The following F13A1 variants were observed in gnomAD, a reference collection of about 807,000 sequenced individuals.
F13A1 encodes the protein coagulation factor XIII A chain.
A neutral mutation model predicts 80.1 loss-of-function variants in F13A1; 47 were observed. The observed-to-expected ratio is 0.59, with a 90% CI of 0.46 to 0.75. The LOEUF is 0.75. Among genes scored for constraint, F13A1 ranks in the 30% least tolerant of loss-of-function variants. The pLI, the probability that F13A1 is intolerant of heterozygous loss-of-function variation, is 0.00. For synonymous variants in F13A1, 349 were observed against 344.9 expected (o/e 1.01, Z -0.13); for missense variants, 817 against 930.4 (o/e 0.88, Z 1.59).
At chr6:6,175,336 T>C (rs1284699906) in intron 11 of F13A1, among the ~76,000 whole-genome samples, 1 of 152,206 alleles carries the variant, frequency 6.6e-6, no homozygotes, top group Non-Finnish European at 1.5e-5. Flanking sequence ...ATAAGACCTG[T>C]CTTCCTCATC....
chr6:6,227,594 G>A (rs1489146605), intron 6 of F13A1, among the ~76,000 whole-genome samples: 2 of 152,176 alleles, frequency 1.3e-5, no homozygotes, highest in African/African-American at 4.8e-5. Flanking sequence ...AGGCTATGAT[G>A]TGGTTTGGTC....
chr6:6,283,626 C>T (rs564639621), intron 3 of F13A1, among the ~76,000 whole-genome samples: 1 of 152,000 alleles, frequency 6.6e-6, no homozygotes, highest in Non-Finnish European at 1.5e-5. Flanking sequence ...AACAACAATA[C>T]ATGTACCCAA....
chr6:6,147,168 G>A (rs1003730846), intron 14 of F13A1, among the ~76,000 whole-genome samples: 2 of 152,170 alleles, frequency 1.3e-5, no homozygotes, highest in African/African-American at 4.8e-5. Flanking sequence ...GGGGAAAGGT[G>A]GGAGGGATAA....
At position 6,219,231 on chromosome 6, in the gene F13A1, G is replaced by A. The variant is rs371102817; in HGVS notation, c.1112+2802C>T. Reference sequence around the variant, plus strand: ...TGCTAGGAAATCCATCAGGCCATGTGTCGCCAGTCTACACCGCACTGACCT... The same window carrying A: ...TGCTAGGAAATCCATCAGGCCATGTATCGCCAGTCTACACCGCACTGACCT... On this transcript the variant is annotated intron_variant, in intron 8 of 14. Coordinates refer to ENST00000264870, the MANE Select transcript of F13A1 (RefSeq NM_000129.4). Among the ~76,000 whole-genome samples the A allele has an allele frequency of 1.3e-4, 19 of 151,974 alleles. No individual in the cohort carries two copies. The East Asian group carries it at 1.6e-3, about 12-fold the overall frequency.
intron 6 of F13A1, among the ~76,000 whole-genome samples, chr6:6,228,540 C>A (rs1757308281): frequency 6.6e-6 from 1 of 151,986 alleles, no homozygotes; most frequent in South Asian, 2.1e-4. Flanking sequence ...TCAAGACCAG[C>A]CTGGCCAACA....
intron 13 of F13A1, among the ~76,000 whole-genome samples, chr6:6,165,909 G>T (rs371334278): frequency 1.9e-4 from 29 of 152,356 alleles, no homozygotes; most frequent in African/African-American, 5.8e-4. Flanking sequence ...TGACAGAGGC[G>T]AAGGAAACAA....
In F13A1 at chr6:6,182,114, C is replaced by A; in HGVS notation, c.1333G>T (p.Ala445Ser). 6.2e-7 allele frequency: 1 copy of A among 1,614,168 alleles called. No homozygotes were observed. The change falls in exon 11 of 15, where the codon GCT (alanine) becomes TCT (serine). Residue 445 changes from alanine (A) to serine (S), a missense_variant. Transcript: ENST00000264870. ...EVNSDLIYIT[A>S]KKDGTHVVEN... ...ACCACATGAGTGCCATCTTTCTTAG[C>A]TGTAATGTAAATGAGGTCGCTGTTG...
chr6:6,202,640 C>T (rs778264461), intron 8 of F13A1, among the ~76,000 whole-genome samples: 1 of 152,188 alleles, frequency 6.6e-6, no homozygotes, highest in Non-Finnish European at 1.5e-5. Context: ...CTTGTTGCCT[C>T]TTTCTATAGA....
Position 6,173,797 on chromosome 6 carries a change from G to A in F13A1, c.1747+783C>T, listed in dbSNP as rs558629961. 6.6e-5 allele frequency among the ~76,000 whole-genome samples: 10 copies of A among 152,216 alleles called. No homozygotes were observed. The East Asian group carries it at 1.4e-3, about 21-fold the overall frequency. ...CCCAAAAGACTTTCCTAACTTGGGCGAGAGGCACCAGCAGAGGGCCTGTTT... is the reference window on the plus strand; with the variant it reads ...CCCAAAAGACTTTCCTAACTTGGGCAAGAGGCACCAGCAGAGGGCCTGTTT... On this transcript the variant is annotated intron_variant, in intron 12 of 14. Coordinates refer to ENST00000264870, the MANE Select transcript of F13A1 (RefSeq NM_000129.4).
At chr6:6,309,513 T>C (rs1758561379) in intron 2 of F13A1, among the ~76,000 whole-genome samples, 1 of 152,094 alleles carries the variant, frequency 6.6e-6, no homozygotes, top group South Asian at 2.1e-4. Context: ...GCATAGTTGC[T>C]TAAGAAATTG....
intron 8 of F13A1, among the ~76,000 whole-genome samples, chr6:6,198,254 A>G (rs781116498): frequency 5.0e-4 from 76 of 151,776 alleles, no homozygotes; most frequent in Non-Finnish European, 1.0e-4. Flanking sequence ...TTTGAATATG[A>G]CCCTGGAAGC....
intron 11 of F13A1, among the ~76,000 whole-genome samples, chr6:6,179,702 C>A (rs1362453235): frequency 6.6e-6 from 1 of 152,144 alleles, no homozygotes; most frequent in Non-Finnish European, 1.5e-5. Context: ...GGGTCAAACT[C>A]CAGCCCCGAA....
chr6:6,299,596 C>G (rs1401660949), intron 3 of F13A1, among the ~76,000 whole-genome samples: 4 of 140,154 alleles, frequency 2.9e-5, no homozygotes, highest in Non-Finnish European at 6.0e-5. Context: ...CTTTTCAGCT[C>G]CATCAGCTCC....
chr6:6,172,075 A>T (rs1760785198), intron 12 of F13A1, among the ~76,000 whole-genome samples: 1 of 152,238 alleles, frequency 6.6e-6, no homozygotes, highest in African/African-American at 2.4e-5. Context: ...CAGTAAGAAT[A>T]GGCATTGCTG....
At chr6:6,310,209 A>G (rs1013196857) in intron 2 of F13A1, among the ~76,000 whole-genome samples, 4 of 152,224 alleles carry the variant, frequency 2.6e-5, no homozygotes, top group African/African-American at 9.6e-5. Flanking sequence ...TGGCCTAACC[A>G]AAGCTGATCA....
intron 14 of F13A1, among the ~76,000 whole-genome samples, chr6:6,149,189 C>T (rs1264816619): frequency 6.6e-6 from 1 of 151,996 alleles, no homozygotes; most frequent in Non-Finnish European, 1.5e-5. Context: ...TTGTATATTA[C>T]AAAAGAGCTA....
In F13A1 at chr6:6,162,455, T is replaced by C. The variant is rs752242372; in HGVS notation, c.1908+5003A>G. Among the ~76,000 whole-genome samples, 20 of 152,146 alleles carry C rather than the reference T, an allele frequency of 1.3e-4. No individual in the cohort carries two copies. The highest frequency in any genetic ancestry group is 5.2e-4 in the Admixed American group (8 of 15,278). ...TTCTTGATGTCCCACACCACTCAAG[T>C]GTGTGTGATCTCTCCTCCCTTGAAT... On this transcript the variant is annotated intron_variant, in intron 13 of 14. Transcript: ENST00000264870. The surrounding 1 kb of genome is among the most constrained non-coding windows in gnomAD (Gnocchi z 4.2).
chr6:6,191,678 G>C (rs1469292993), intron 10 of F13A1, among the ~76,000 whole-genome samples: 2 of 152,192 alleles, frequency 1.3e-5, no homozygotes, highest in Non-Finnish European at 1.5e-5. Context: ...TTGCTTTCAG[G>C]ACCCTGGACA....
intron 3 of F13A1, among the ~76,000 whole-genome samples, chr6:6,304,772 A>G (rs992582391): frequency 4.9e-4 from 75 of 151,528 alleles, no homozygotes; most frequent in African/African-American, 1.8e-3. Context: ...CTGAGGCACC[A>G]GAATCGCTTG....
Sources: allele counts gnomAD v4.1 joint callset (sites outside exome capture counted in the v4.1 genomes callset), GRCh38; gene constraint gnomAD v4.1.1; non-coding constraint Gnocchi (gnomAD v3.1); transcripts MANE v1.5; gene names NCBI Gene and HGNC (gene_info 2026-07-23, HGNC 2026-07-21).